SMAD4: variants seen among roughly 807,000 people sequenced by gnomAD.
SMAD4 encodes the protein MAD homolog 4.
SMAD4 carries 7 observed loss-of-function variants against 63.2 expected under a neutral mutation model. The ratio of observed to expected loss-of-function variants is 0.11; its 90% confidence interval spans 0.06 to 0.21. The LOEUF (loss-of-function observed/expected upper bound fraction) is 0.21, where lower values mean the gene tolerates loss of function less well. SMAD4 is among the 10% of genes least tolerant of loss of function. SMAD4 has a pLI of 1.00. For missense variants in SMAD4, 312 were observed against 693.8 expected (o/e 0.45, Z 6.18); for synonymous variants, 215 against 235.4 (o/e 0.91, Z 0.79).
intron 10 of SMAD4, among the ~76,000 whole-genome samples, chr18:51,073,386 TATACACACACACACAC>T (rs1459388958): frequency 1.9e-4 from 16 of 82,056 alleles, no homozygotes; most frequent in East Asian, 4.2e-4. Flanking sequence ...TATATATATA[TATACACACACACACAC>T]ACACACACAC....
At chr18:51,061,948 T>G (rs2144438285) in intron 8 of SMAD4, among the ~76,000 whole-genome samples, 1 of 152,310 alleles carries the variant, frequency 6.6e-6, no homozygotes, top group East Asian at 1.9e-4. Context: ...ATAACTTTTC[T>G]CATATTTTAG....
chr18:51,073,723 G>C (rs1383797004), intron 10 of SMAD4, among the ~76,000 whole-genome samples: 1 of 151,896 alleles, frequency 6.6e-6, no homozygotes, highest in Non-Finnish European at 1.5e-5. Context: ...TAGAGATGGG[G>C]TCTCACCATG....
intron 1 of SMAD4, among the ~76,000 whole-genome samples, chr18:51,031,590 T>C (rs1909051701): frequency 6.6e-6 from 1 of 152,250 alleles, no homozygotes; most frequent in Non-Finnish European, 1.5e-5. Flanking sequence ...ATTGACTTTC[T>C]GCAAACATAT....
chr18:51,031,831 C>T lies in SMAD4; in HGVS notation c.-128+1208C>T, dbSNP rs952816367. 2.6e-5 allele frequency among the ~76,000 whole-genome samples: 4 copies of T among 151,554 alleles called. No homozygotes were observed. In the East Asian group the frequency reaches 7.7e-4, roughly 29 times the overall value. ...ATTTCATAAATTACTTTTGCCATAC[C>T]CTGCAGAGACTAGATAATATATATT... On this transcript the variant is annotated intron_variant, in intron 1 of 11. Coordinates refer to ENST00000342988, the MANE Select transcript of SMAD4 (RefSeq NM_005359.6).
At position 51,073,327 on chromosome 18, in the gene SMAD4, ATAAT is replaced by A. The variant is rs1346953379; in HGVS notation, c.1309-3307_1309-3304del. On this transcript the variant is annotated intron_variant, in intron 10 of 11. Coordinates refer to ENST00000342988, the MANE Select transcript of SMAD4 (RefSeq NM_005359.6). Reference sequence around the variant, plus strand: ...AAGGCATACTTGAATCTTGGAGATTATAATTAAGTTTTATTCCCTACTCCCAGAT... The same window carrying A: ...AAGGCATACTTGAATCTTGGAGATTATAAGTTTTATTCCCTACTCCCAGAT... Among the ~76,000 whole-genome samples, 7 of 137,822 alleles carry A rather than the reference ATAAT, an allele frequency of 5.1e-5. No homozygotes were observed. In the Admixed American group the frequency reaches 5.3e-4, roughly 11 times the overall value. The allele number at this position is 137,822 out of a possible 152,430, so 90.4% of individuals were successfully genotyped here.
chr18:51,060,722 C>G (rs1483236401), intron 8 of SMAD4, among the ~76,000 whole-genome samples: 1 of 152,086 alleles, frequency 6.6e-6, no homozygotes, highest in South Asian at 2.1e-4. Flanking sequence ...CAGCCTTGAC[C>G]TCCTAGTCTC....
At chr18:51,044,505 G>T (rs12965840) in intron 1 of SMAD4, among the ~76,000 whole-genome samples, 49,633 of 152,012 alleles carry the variant, frequency 0.33, 8,718 homozygotes, top group East Asian at 0.41. Flanking sequence ...TGATCTTCCA[G>T]TCTCAGCTCC....
At chr18:51,038,729 A>G (rs1443012110) in intron 1 of SMAD4, among the ~76,000 whole-genome samples, 2 of 152,210 alleles carry the variant, frequency 1.3e-5, no homozygotes, top group African/African-American at 4.8e-5. Context: ...GTTTTAGAAA[A>G]TTCTGTTTTT....
intron 11 of SMAD4, chr18:51,077,440 A>G: frequency 1.0e-6 from 1 of 964,840 alleles, no homozygotes; most frequent in Non-Finnish European, 1.2e-6. Context: ...CACACTGGCT[A>G]AGAAAACTGC....
In SMAD4 at chr18:51,067,003, C is replaced by A. The variant is rs1057521669; in HGVS notation, c.1140-16C>A. The A allele has an allele frequency of 4.4e-6, 7 of 1,595,172 alleles. No individual in the cohort carries two copies. The highest frequency in any genetic ancestry group is 6.0e-6 in the Non-Finnish European group (7 of 1,162,948). On this transcript the variant is annotated splice_polypyrimidine_tract_variant and intron_variant, in intron 9 of 11. Transcript: ENST00000342988. ...TACTTATCAAGATAAAATGTAATTT[C>A]TTTTTTCTTCCTAAGGTTGCACATA...
chr18:51,063,628 GC>G (rs1306010456), intron 8 of SMAD4, among the ~76,000 whole-genome samples: 1 of 151,942 alleles, frequency 6.6e-6, no homozygotes, highest in African/African-American at 2.4e-5. Flanking sequence ...GCCCAGGCTG[GC>G]CTTGACCTCC....
At chr18:51,069,412 C>T (rs936499081) in intron 10 of SMAD4, among the ~76,000 whole-genome samples, 1 of 152,140 alleles carries the variant, frequency 6.6e-6, no homozygotes, top group Non-Finnish European at 1.5e-5. Context: ...CTACGCCTGG[C>T]CTTTTGTTGT....
At chr18:51,068,810 A>G (rs576300317) in intron 10 of SMAD4, among the ~76,000 whole-genome samples, 2 of 152,088 alleles carry the variant, frequency 1.3e-5, no homozygotes, top group South Asian at 4.2e-4. Context: ...AGTTTTAGCT[A>G]CTTGGGAGGC....
rs1910532536 is a variant in SMAD4 at position 51,078,618 on chromosome 18, C to T, written c.*151C>T. ...TGTTTGCTGCCTTGCTCCTAGCAGA[C>T]AGAAACTGGATTAAAACAATTTTTT... On this transcript the variant is annotated 3_prime_UTR_variant, in exon 12 of 12. Coordinates refer to ENST00000342988, the MANE Select transcript of SMAD4 (RefSeq NM_005359.6). 1.6e-6 allele frequency: 1 copy of T among 640,656 alleles called. No individual in the cohort carries two copies. The allele number at this position is 640,656 out of a possible 1,614,324, so 39.7% of individuals were successfully genotyped here. A position where few individuals can be genotyped will look rare whatever the true frequency, so the allele number is the denominator to read the frequency against.
intron 10 of SMAD4, among the ~76,000 whole-genome samples, chr18:51,073,110 A>C (rs192605471): frequency 1.5e-3 from 225 of 152,078 alleles, no homozygotes; most frequent in African/African-American, 4.6e-3. Flanking sequence ...TTTTTACTGC[A>C]TCTACAGATG....
chr18:51,052,567 G>C (rs1031287273), intron 4 of SMAD4: 1 of 231,182 alleles, frequency 4.3e-6, no homozygotes, highest in African/African-American at 2.3e-5. Flanking sequence ...TTAACAGTTT[G>C]GTATCTGTTT....
At chr18:51,035,066 C>T (rs1909164577) in intron 1 of SMAD4, among the ~76,000 whole-genome samples, 1 of 152,212 alleles carries the variant, frequency 6.6e-6, no homozygotes, top group Non-Finnish European at 1.5e-5. Flanking sequence ...CACACATGTA[C>T]AGTGTAGCCA....
At chr18:51,059,646 G>A (rs1408863715) in intron 7 of SMAD4, among the ~76,000 whole-genome samples, 2 of 152,256 alleles carry the variant, frequency 1.3e-5, no homozygotes, top group African/African-American at 2.4e-5. Flanking sequence ...ATAGCACTTG[G>A]CAGATAGCAC....
chr18:51,033,129 A>G (rs1333480326), intron 1 of SMAD4, among the ~76,000 whole-genome samples: 1 of 151,798 alleles, frequency 6.6e-6, no homozygotes, highest in African/African-American at 2.4e-5. Context: ...AAGTAACCTG[A>G]CTAAAATGTT....
Sources: gnomAD v4.1 joint callset for allele counts (sites outside exome capture counted in the v4.1 genomes callset) on GRCh38, gnomAD v4.1.1 for gene constraint, MANE v1.5 for transcripts, NCBI Gene and HGNC (gene_info 2026-07-23, HGNC 2026-07-21) for gene names.